TNR: variants seen among roughly 807,000 people sequenced by gnomAD.
The protein encoded by TNR is tenascin R, also known as tenascin-R.
A neutral mutation model predicts 150.4 loss-of-function variants in TNR; 45 were observed. The ratio of observed to expected loss-of-function variants is 0.30; its 90% CI spans 0.24 to 0.38. The LOEUF (loss-of-function observed/expected upper bound fraction) is 0.38, where lower values mean the gene tolerates loss of function less well. Ranked by LOEUF, TNR falls within the 10% of genes least tolerant of loss-of-function variation. The probability of loss-of-function intolerance (pLI) is 1.00; values close to 1 mark genes in which losing one functional copy is unlikely to be tolerated. For missense variants in TNR, 1,544 were observed against 1,759.1 expected, an observed-to-expected ratio of 0.88 and a Z score of 2.19; for synonymous variants, 687 against 678.4, an observed-to-expected ratio of 1.01 and a Z score of -0.20.
chr1:175,485,865 G>A (rs1657991673), intron 2 of TNR, among the ~76,000 whole-genome samples: 1 of 152,156 alleles, frequency 6.6e-6, no homozygotes, highest in African/African-American at 2.4e-5. Context: ...ACCATGCCAA[G>A]CATTTTACAT....
intron 2 of TNR, among the ~76,000 whole-genome samples, chr1:175,451,837 T>C (rs575116119): frequency 6.6e-6 from 1 of 152,362 alleles, no homozygotes; most frequent in African/African-American, 2.4e-5. Flanking sequence ...TCTCTCCTTA[T>C]ATGTTATATG....
intron 1 of TNR, among the ~76,000 whole-genome samples, chr1:175,597,553 T>A (rs1663056998): frequency 6.6e-6 from 1 of 152,250 alleles, no homozygotes; most frequent in Non-Finnish European, 1.5e-5. Flanking sequence ...AAGTTCAAAT[T>A]GTACCCAAGA....
intron 2 of TNR, among the ~76,000 whole-genome samples, chr1:175,451,989 G>A (rs1656344895): frequency 6.6e-6 from 1 of 152,206 alleles, no homozygotes; most frequent in Non-Finnish European, 1.5e-5. Context: ...TATGTCAAGT[G>A]TGCTGTGCCA....
intron 2 of TNR, among the ~76,000 whole-genome samples, chr1:175,410,971 G>C (rs1387986503): frequency 6.6e-6 from 1 of 152,200 alleles, no homozygotes; most frequent in Non-Finnish European, 1.5e-5. Flanking sequence ...TCTTTAGGTG[G>C]AGAAGGCCAA....
At chr1:175,346,780 G>A (rs1180376792) in intron 18 of TNR, among the ~76,000 whole-genome samples, 1 of 151,194 alleles carries the variant, frequency 6.6e-6, no homozygotes, top group Non-Finnish European at 1.5e-5. Flanking sequence ...GTAGTCAAAT[G>A]TTTCCTATTC....
chr1:175,400,370 C>G (rs1362363404), intron 4 of TNR, among the ~76,000 whole-genome samples: 2 of 152,210 alleles, frequency 1.3e-5, no homozygotes, highest in African/African-American at 4.8e-5. Flanking sequence ...CTGGGAAAAT[C>G]TGTCTCACTG....
chr1:175,695,523 G>A (rs767045030), intron 1 of TNR, among the ~76,000 whole-genome samples: 7 of 152,140 alleles, frequency 4.6e-5, no homozygotes, highest in Non-Finnish European at 7.4e-5. Flanking sequence ...TAATTAGTAC[G>A]GTTTGAGTCT....
intron 2 of TNR, among the ~76,000 whole-genome samples, chr1:175,439,501 CA>C (rs1409231389): frequency 6.6e-6 from 1 of 152,088 alleles, no homozygotes; most frequent in African/African-American, 2.4e-5. Flanking sequence ...AAAGCAATGG[CA>C]ACAAAAGCCA....
At chr1:175,328,008 T>C (rs774661637) in intron 21 of TNR, among the ~76,000 whole-genome samples, 4 of 152,196 alleles carry the variant, frequency 2.6e-5, no homozygotes, top group Admixed American at 6.5e-5. Flanking sequence ...CTCAGGAGGC[T>C]GAGGCAGTAG....
chr1:175,668,377 C>A (rs1665592819), intron 1 of TNR, among the ~76,000 whole-genome samples: 1 of 151,052 alleles, frequency 6.6e-6, no homozygotes, highest in Non-Finnish European at 1.5e-5. Context: ...ATCGTCAGCC[C>A]CAGGCTCTGT....
chr1:175,355,557 C>G lies in TNR; in HGVS notation c.3195G>C (p.Arg1065Ser). ...TCAAGACATAATTTTCAATCTCTGC[C>G]CTGGGAGGCTGCCAGGAGATCAGGG... ...QSALISWQPP[R>S]AEIENYVLTY... Residue 1065 changes from arginine (R) to serine (S), a missense_variant, in exon 17 of 23, where the codon AGG becomes AGC. Arg to Ser is a moderately radical substitution (Grantham distance 110, BLOSUM62 -1). Transcript: ENST00000367674. 6.2e-7 allele frequency: 1 copy of G among 1,614,082 alleles called. No homozygotes were observed. The highest frequency in any genetic ancestry group is 2.2e-5 in the East Asian group (1 of 44,882).
At position 175,324,537 on chromosome 1, in the gene TNR, TCATTAGGCTGTCCCATTTGTCA is replaced by T. The variant is rs1489434817; in HGVS notation, c.3794-40_3794-19del. The T allele has an allele frequency of 6.2e-7, 1 of 1,611,672 alleles. No homozygotes were observed. Among genetic ancestry groups the T allele is most frequent in the Non-Finnish European group, 8.5e-7 (1 of 1,178,760 alleles). On this transcript the variant is annotated intron_variant, in intron 21 of 22. Transcript: ENST00000367674. ...GGAGTCCCCTGCAAAAAAGATACAT[TCATTAGGCTGTCCCATTTGTCA>T]CTGCTTTATCAGGATTTTCTGGACA...
chr1:175,553,896 T>C (rs1661048181), intron 1 of TNR, among the ~76,000 whole-genome samples: 1 of 150,648 alleles, frequency 6.6e-6, no homozygotes, highest in Non-Finnish European at 1.5e-5. Flanking sequence ...AATGCACCAA[T>C]GGAAATACTG....
At chr1:175,718,340 T>G (rs1480432509) in intron 1 of TNR, among the ~76,000 whole-genome samples, 1 of 152,186 alleles carries the variant, frequency 6.6e-6, no homozygotes, top group African/African-American at 2.4e-5. Context: ...TCTGGATGAA[T>G]AATCCCAGAA....
chr1:175,573,187 C>T (rs1661956210), intron 1 of TNR, among the ~76,000 whole-genome samples: 1 of 152,212 alleles, frequency 6.6e-6, no homozygotes, highest in South Asian at 2.1e-4. Context: ...CACCCTCCAG[C>T]CACACTCCAC....
chr1:175,637,713 T>C (rs1664531242), intron 1 of TNR, among the ~76,000 whole-genome samples: 1 of 152,162 alleles, frequency 6.6e-6, no homozygotes, highest in African/African-American at 2.4e-5. Context: ...TTGGATGAAC[T>C]TCAGTGCGGC....
At chr1:175,612,051 CT>C (rs2101855995) in intron 1 of TNR, among the ~76,000 whole-genome samples, 1 of 152,180 alleles carries the variant, frequency 6.6e-6, no homozygotes, top group Non-Finnish European at 1.5e-5. Flanking sequence ...GGATTTTAAT[CT>C]TTTAGGTACC....
chr1:175,402,220 T>A (rs2102044298), intron 4 of TNR, among the ~76,000 whole-genome samples: 1 of 136,802 alleles, frequency 7.3e-6, no homozygotes, highest in East Asian at 2.3e-4. Flanking sequence ...GGCAGGAGAA[T>A]GGTGTGAACC....
At chr1:175,699,277 A>G (rs1666617401) in intron 1 of TNR, among the ~76,000 whole-genome samples, 1 of 152,196 alleles carries the variant, frequency 6.6e-6, no homozygotes, top group South Asian at 2.1e-4. Flanking sequence ...TTGTTTGAGG[A>G]AAGAGAAAGT....
Sources: allele counts gnomAD v4.1 joint callset (sites outside exome capture counted in the v4.1 genomes callset), GRCh38; gene constraint gnomAD v4.1.1; transcripts MANE v1.5; gene names NCBI Gene and HGNC (gene_info 2026-07-23, HGNC 2026-07-21).